GPAT2: variants seen among roughly 807,000 people sequenced by gnomAD.
GPAT2 encodes glycerol-3-phosphate acyltransferase 2, mitochondrial, also known as 1-acylglycerol-3-phosphate O-acyltransferase GPAT2.
Under a neutral mutation model 71.0 loss-of-function variants are expected in GPAT2, and 51 were observed. The ratio of observed to expected loss-of-function variants is 0.72; its 90% CI spans 0.57 to 0.91. The LOEUF (loss-of-function observed/expected upper bound fraction) is 0.91, where lower values mean the gene tolerates loss of function less well. Ranked by LOEUF, GPAT2 falls within the 40% of genes least tolerant of loss-of-function variation. The pLI is 0.00. For missense variants in GPAT2, 511 were observed against 666.0 expected, an observed-to-expected ratio of 0.77 and a Z score of 2.56; for synonymous variants, 222 against 290.3, an observed-to-expected ratio of 0.76 and a Z score of 2.39.
chr2:96,026,541 G>C, intron 10 of GPAT2, 156 bp downstream of exon 10: 2 of 221,064 alleles, frequency 9.0e-6, no homozygotes, highest in Non-Finnish European at 1.5e-5. Flanking sequence ...GATGGTAATG[G>C]CCTTGACAGG....
At chr2:96,033,868 G>A (rs1467708182) in intron 1 of GPAT2, among the ~76,000 whole-genome samples, 2 of 115,860 alleles carry the variant, frequency 1.7e-5, no homozygotes, top group African/African-American at 6.4e-5. Flanking sequence ...CATGGCAAGG[G>A]GTTATTCCCA....
At position 96,024,351 on chromosome 2, in the gene GPAT2, G is replaced by C. The variant is rs1355697062; in HGVS notation, c.1688-14C>G. 1 of 1,599,018 alleles carries C rather than the reference G, an allele frequency of 6.3e-7. No individual in the cohort carries two copies. Among genetic ancestry groups the C allele is most frequent in the African/African-American group, 1.3e-5 (1 of 74,686 alleles). Reference sequence around the variant, plus strand: ...GCACTGCACAGGCTGGGGGCGGAGGGTCCATTATGAAGAAGGAGCCGTTCC... The same window carrying C: ...GCACTGCACAGGCTGGGGGCGGAGGCTCCATTATGAAGAAGGAGCCGTTCC... On this transcript the variant is annotated splice_polypyrimidine_tract_variant and intron_variant, in intron 15 of 21. Coordinates refer to ENST00000434632, the MANE Select transcript of GPAT2 (RefSeq NM_001321527.2).
At position 96,030,608 on chromosome 2, in the gene GPAT2, G is replaced by A. The variant is rs2104681854; in HGVS notation, c.357-74C>T. ...CTCCAGTCTTCACTCTCCTCCTTAAGGAAGGGTTCCAGGCAAAGCTCATGC... is the reference window on the plus strand; with the variant it reads ...CTCCAGTCTTCACTCTCCTCCTTAAAGAAGGGTTCCAGGCAAAGCTCATGC... On this transcript the variant is annotated intron_variant, in intron 5 of 21. Coordinates refer to ENST00000434632, the MANE Select transcript of GPAT2 (RefSeq NM_001321527.2). 4 of 806,720 alleles carry A rather than the reference G, an allele frequency of 5.0e-6. 2 individuals are homozygous for A. In the East Asian group the frequency reaches 1.8e-4, roughly 36 times the overall value. 50.0% of individuals were successfully genotyped at this position (806,720 alleles called of 1,614,324 possible). A position where few individuals can be genotyped will look rare whatever the true frequency, so the allele number is the denominator to read the frequency against.
At chr2:96,023,490 C>T (rs1354775953) in intron 17 of GPAT2, 50 bp from the exon 18 acceptor site, 1 of 1,597,034 alleles carries the variant, frequency 6.3e-7, no homozygotes, top group Non-Finnish European at 8.6e-7. Context: ...AGGGATCAAC[C>T]CTACACCCCC....
At chr2:96,022,795 C>G (rs1327759808) in intron 20 of GPAT2, 72 bp from the exon 21 acceptor site, 1 of 1,613,768 alleles carries the variant, frequency 6.2e-7, no homozygotes, top group African/African-American at 1.3e-5. Context: ...CTTCTCTCCT[C>G]TTGTTTAAAG....
At chr2:96,025,058 A>C in intron 13 of GPAT2, 1 of 622,840 alleles carries the variant, frequency 1.6e-6, no homozygotes, top group Non-Finnish European at 2.9e-6. Flanking sequence ...CCCACACATC[A>C]ACCCACAGCC....
In GPAT2 at chr2:96,026,321, G is replaced by A. The variant is rs761395885; in HGVS notation, c.1033-16C>T. The A allele has an allele frequency of 2.0e-6, 3 of 1,506,500 alleles. No individual in the cohort carries two copies. Among genetic ancestry groups the A allele is most frequent in the Non-Finnish European group, 2.7e-6 (3 of 1,128,618 alleles). 93.3% of individuals were successfully genotyped at this position (1,506,500 alleles called of 1,614,324 possible). ...GGGCCGAGGCCTGCAAGGAGGGAAA[G>A]GATAACTATACTCGCCGAGGACACT... On this transcript the variant is annotated splice_polypyrimidine_tract_variant and intron_variant, in intron 10 of 21. Transcript: ENST00000434632.
Position 96,022,963 on chromosome 2 carries a change from A to G in GPAT2, c.2228T>C (p.Ile743Thr). 1 of 1,613,806 alleles carries G rather than the reference A, an allele frequency of 6.2e-7. No individual in the cohort carries two copies. Among genetic ancestry groups the G allele is most frequent in the Non-Finnish European group, 8.5e-7 (1 of 1,179,840 alleles). ...FLQATAQEEG[I>T]FECADPKLAI... Reference sequence around the variant, plus strand: ...GCTGACTGGTTGGGACTCACCGAAGATCCCTTCTTCCTGGGCGGTGGCCTG... The same window carrying G: ...GCTGACTGGTTGGGACTCACCGAAGGTCCCTTCTTCCTGGGCGGTGGCCTG... The change falls in exon 20 of 22, where the codon ATC becomes ACC. Residue 743 changes from isoleucine to threonine, a missense_variant. By Grantham distance (89) the Ile-to-Thr change is moderately conservative. This residue lies in a region of GPAT2 where 108 missense variants were observed against 117.6 expected (regional missense o/e 0.92). Coordinates refer to ENST00000434632, the MANE Select transcript of GPAT2 (RefSeq NM_001321527.2).
intron 21 of GPAT2, 57 bp from the exon 22 acceptor site, chr2:96,022,332 G>A: frequency 6.7e-7 from 1 of 1,500,460 alleles, no homozygotes; most frequent in Non-Finnish European, 8.9e-7. Flanking sequence ...TGTACACATG[G>A]CCCAGGGGCC....
rs561462184 is a variant in GPAT2 at position 96,024,253 on chromosome 2, T to C, written c.1772A>G (p.Asn591Ser). The change falls in exon 16 of 22, where the codon AAT (asparagine) becomes AGT (serine). Residue 591 changes from asparagine to serine, a missense_variant. By Grantham distance (46) the Asn-to-Ser change is conservative. This residue lies in a region of GPAT2 where 295 missense variants were observed against 305.5 expected (regional missense o/e 0.97). Transcript: ENST00000434632. Reference protein sequence around the residue: ...ELQGILLLSQNELYRQILLLM... With the variant: ...ELQGILLLSQSELYRQILLLM... Reference sequence around the variant, plus strand: ...CAGCAGGATCTGGCGGTACAGCTCATTCTGGCTCAGCAGCAATATGCCCTG... The same window carrying C: ...CAGCAGGATCTGGCGGTACAGCTCACTCTGGCTCAGCAGCAATATGCCCTG... The C allele has an allele frequency of 8.4e-5, 131 of 1,554,602 alleles. No individual in the cohort carries two copies. The East Asian group carries it at 2.9e-3, about 34-fold the overall frequency.
intron 12 of GPAT2, 104 bp downstream of exon 12, chr2:96,025,826 T>C (rs1680337771): frequency 7.6e-7 from 1 of 1,316,192 alleles, no homozygotes; most frequent in African/African-American, 1.4e-5. Flanking sequence ...CCCAGGATAC[T>C]TGGTGAGGGA....
At chr2:96,025,741 C>T (rs1680328870) in intron 12 of GPAT2, 138 bp from the exon 13 acceptor site, 1 of 1,415,762 alleles carries the variant, frequency 7.1e-7, no homozygotes, top group East Asian at 2.4e-5. Context: ...AACCCCCAGT[C>T]CCATCCAGGC....
intron 17 of GPAT2, 122 bp downstream of exon 17, chr2:96,023,801 G>T (rs1256564972): frequency 2.0e-6 from 3 of 1,482,716 alleles, no homozygotes; most frequent in Non-Finnish European, 2.7e-6. Context: ...AAGGCCAGGG[G>T]CTGCCCACCC....
chr2:96,023,356 C>T lies in GPAT2; in HGVS notation c.1999G>A (p.Asp667Asn), dbSNP rs1679942529. ...TCTCCGAAGTCATCACTGTCACTATCAGTAAAGTCCCCACTCGGTTTCCAC... is the reference window on the plus strand; with the variant it reads ...TCTCCGAAGTCATCACTGTCACTATTAGTAAAGTCCCCACTCGGTTTCCAC... ...LLWKPSGDFT[D>N]SDSDDFGEAD... Residue 667 changes from aspartate to asparagine, a missense_variant, in exon 18 of 22, where the codon GAT becomes AAT. Around this residue, in one of 7 missense-constraint regions of GPAT2, gnomAD observed 295 missense variants for 305.5 expected, o/e 0.97. Coordinates refer to ENST00000434632, the MANE Select transcript of GPAT2 (RefSeq NM_001321527.2). The T allele has an allele frequency of 4.3e-6, 7 of 1,614,124 alleles. No homozygotes were observed. In the South Asian group the frequency reaches 5.5e-5, roughly 13 times the overall value.
Position 96,025,959 on chromosome 2 carries a change from C to G in GPAT2, c.1209G>C (p.Gln403His). 1 of 1,612,562 alleles carries G rather than the reference C, an allele frequency of 6.2e-7. No individual in the cohort carries two copies. Among genetic ancestry groups the G allele is most frequent in the African/African-American group, 1.3e-5 (1 of 75,014 alleles). The change falls in exon 12 of 22, where the codon CAG (glutamine) becomes CAC (histidine). Residue 403 changes from glutamine to histidine, a missense_variant. Transcript: ENST00000434632. ...GGCCCAGCACGATGGGCTGCAGTAG[C>G]TGCTCCAGGGTCTGTCTGCCGCCCC... ...SCWGGRQTLE[Q>H]LLQPIVLGQC...
intron 17 of GPAT2, 143 bp from the exon 18 acceptor site, chr2:96,023,583 T>A: frequency 1.2e-6 from 1 of 866,022 alleles, no homozygotes; most frequent in Non-Finnish European, 1.8e-6. Flanking sequence ...CAGCACCTGC[T>A]GGGCCAACTT....
At position 96,024,252 on chromosome 2, in the gene GPAT2, A is replaced by G; in HGVS notation, c.1773T>C (p.Asn591=). 6.4e-7 allele frequency: 1 copy of G among 1,553,804 alleles called. No individual in the cohort carries two copies. Among genetic ancestry groups the G allele is most frequent in the Non-Finnish European group, 8.7e-7 (1 of 1,146,612 alleles). ...GCAGCAGGATCTGGCGGTACAGCTC[A>G]TTCTGGCTCAGCAGCAATATGCCCT... ...ELQGILLLSQ[N]ELYRQILLLM... The change falls in exon 16 of 22, where the codon AAT becomes AAC. Residue 591 remains asparagine, a synonymous_variant. Transcript: ENST00000434632.
Position 96,024,697 on chromosome 2 carries a change from G to GAGCAGGGCTAGGC in GPAT2, c.1429-25_1429-13dup, listed in dbSNP as rs758021885. The GAGCAGGGCTAGGC allele has an allele frequency of 4.8e-5, 78 of 1,613,740 alleles. No homozygotes were observed. The African/African-American group carries it at 8.0e-4, about 17-fold the overall frequency. ...GACAGGAACACACCCTGGGTGGGCA[G>GAGCAGGGCTAGGC]AGCAGGGCTAGGCAGCAGGGCCACA... is the stretch of plus-strand genomic sequence containing the variant. On this transcript the variant is annotated splice_polypyrimidine_tract_variant and intron_variant, in intron 14 of 21. Transcript: ENST00000434632.
At position 96,023,022 on chromosome 2, in the gene GPAT2, C is replaced by G. The variant is rs766386534; in HGVS notation, c.2169G>C (p.Glu723Asp). 6.2e-7 allele frequency: 1 copy of G among 1,613,994 alleles called. No individual in the cohort carries two copies. The highest frequency in any genetic ancestry group is 1.1e-5 in the South Asian group (1 of 91,078). Residue 723 changes from glutamate to aspartate, a missense_variant and splice_region_variant, in exon 20 of 22, where the codon GAG (glutamate) becomes GAC (aspartate). Glu to Asp is a conservative substitution (Grantham distance 45, BLOSUM62 2). Around this residue, in one of 7 missense-constraint regions of GPAT2, gnomAD observed 108 missense variants for 117.6 expected, o/e 0.92. Coordinates refer to ENST00000434632, the MANE Select transcript of GPAT2 (RefSeq NM_001321527.2). ...GGAACAGCTGCTCTGTGTAGCCCAA[C>G]TCTGCAGAAGAGAGAAGACCTAGAC... ...FLRQGQLPDT[E>D]LGYTEQLFQF...
Sources: gnomAD v4.1 joint callset for allele counts (sites outside exome capture counted in the v4.1 genomes callset) on GRCh38, gnomAD v4.1.1 for gene constraint, gnomAD v4.1.1 regional missense constraint, MANE v1.5 for transcripts, NCBI Gene and HGNC (gene_info 2026-07-23, HGNC 2026-07-21) for gene names.